DLG2: variants seen among roughly 807,000 people sequenced by gnomAD.
The protein encoded by DLG2 is discs large MAGUK scaffold protein 2, also known as disks large homolog 2.
A neutral mutation model predicts 132.5 loss-of-function variants in DLG2; 45 were observed. The ratio of observed to expected loss-of-function variants is 0.34; its 90% CI spans 0.27 to 0.44. The LOEUF (loss-of-function observed/expected upper bound fraction) is 0.44, where lower values mean the gene tolerates loss of function less well. DLG2 is among the 20% of genes least tolerant of loss of function. The pLI is 1.00. For missense variants in DLG2, 1,045 were observed against 1,196.9 expected (o/e 0.87, Z 1.87); for synonymous variants, 424 against 419.6 (o/e 1.01, Z -0.13).
At chr11:84,055,612 C>T (rs184554327) in intron 11 of DLG2, among the ~76,000 whole-genome samples, 7 of 152,204 alleles carry the variant, frequency 4.6e-5, no homozygotes, top group Admixed American at 1.3e-4. Flanking sequence ...GCCTCTACTT[C>T]TATCTGGGAT....
In DLG2 at chr11:84,947,966, T is replaced by A. The variant is rs148592446; in HGVS notation, c.357+163695A>T. 2.2e-4 allele frequency among the ~76,000 whole-genome samples: 33 copies of A among 152,292 alleles called. No individual in the cohort carries two copies. The East Asian group carries it at 5.6e-3, about 26-fold the overall frequency. The stretch of plus-strand genomic sequence containing the variant: ...AGCAATGATAGGTAACAAAGAGAAG[T>A]GTACTGGGCCGTTAGGTAGCTAACT... On this transcript the variant is annotated intron_variant, in intron 6 of 27. Transcript: ENST00000376104.
At chr11:83,658,740 T>C (rs1471084834) in intron 18 of DLG2, among the ~76,000 whole-genome samples, 1 of 152,246 alleles carries the variant, frequency 6.6e-6, no homozygotes, top group African/African-American at 2.4e-5. Context: ...GAATTGCATA[T>C]ACTCTTCAGT....
chr11:85,378,073 C>A (rs932447484), intron 3 of DLG2, among the ~76,000 whole-genome samples: 1 of 151,984 alleles, frequency 6.6e-6, no homozygotes, highest in African/African-American at 2.4e-5. Flanking sequence ...TAATACATGA[C>A]ACTTCATTGA....
intron 7 of DLG2, among the ~76,000 whole-genome samples, chr11:84,365,205 A>G (rs1164011563): frequency 6.6e-6 from 1 of 152,156 alleles, no homozygotes; most frequent in Non-Finnish European, 1.5e-5. Context: ...TTATTGGTCT[A>G]TTCAGAGATT....
chr11:84,131,136 G>C (rs570185639), intron 9 of DLG2, among the ~76,000 whole-genome samples: 11 of 152,016 alleles, frequency 7.2e-5, no homozygotes, highest in African/African-American at 2.6e-4. Context: ...TGGTAAAGCT[G>C]GTTTTAAAAG....
intron 6 of DLG2, among the ~76,000 whole-genome samples, chr11:84,710,885 GCTATTGTTATT>G (rs1162200143): frequency 2.0e-5 from 3 of 150,912 alleles, no homozygotes; most frequent in African/African-American, 7.3e-5. Flanking sequence ...CATTCAGGAT[GCTATTGTTATT>G]CTATCTGACA....
intron 6 of DLG2, among the ~76,000 whole-genome samples, chr11:84,818,630 A>G (rs1303802237): frequency 6.6e-6 from 1 of 151,920 alleles, no homozygotes; most frequent in Non-Finnish European, 1.5e-5. Context: ...TTGTAATTAC[A>G]ATTTGTGCTC....
At chr11:85,149,952 C>T (rs1286804160) in intron 5 of DLG2, among the ~76,000 whole-genome samples, 1 of 147,564 alleles carries the variant, frequency 6.8e-6, no homozygotes, top group African/African-American at 2.5e-5. Context: ...AATGCTGATT[C>T]TGTAATATTT....
chr11:83,753,413 G>T (rs992763744), intron 18 of DLG2, among the ~76,000 whole-genome samples: 1 of 151,634 alleles, frequency 6.6e-6, no homozygotes, highest in Non-Finnish European at 1.5e-5. Context: ...ACACAGCAAG[G>T]CTCTCTCTCT....
chr11:85,572,322 G>T (rs1286566528), intron 3 of DLG2, among the ~76,000 whole-genome samples: 1 of 152,080 alleles, frequency 6.6e-6, no homozygotes, highest in East Asian at 1.9e-4. Flanking sequence ...CACTGTTGTT[G>T]CAAGGCTTAT....
At chr11:84,940,253 C>T (rs921342429) in intron 6 of DLG2, among the ~76,000 whole-genome samples, 8 of 152,188 alleles carry the variant, frequency 5.3e-5, no homozygotes, top group Non-Finnish European at 1.2e-4. Flanking sequence ...TGGGTTCAAA[C>T]GATTCTCCTG....
intron 4 of DLG2, among the ~76,000 whole-genome samples, chr11:85,172,394 A>T (rs557139885): frequency 9.2e-5 from 14 of 152,372 alleles, no homozygotes; most frequent in African/African-American, 3.1e-4. Context: ...GAATGTTAAA[A>T]GAAAAACAAA....
chr11:83,938,842 G>A (rs937615363), intron 14 of DLG2, among the ~76,000 whole-genome samples: 4 of 152,156 alleles, frequency 2.6e-5, no homozygotes, highest in South Asian at 2.1e-4. Context: ...TGATAAATAC[G>A]GAAGAGTGAG....
chr11:85,618,273 A>G (rs1453317115), intron 2 of DLG2, among the ~76,000 whole-genome samples: 1 of 151,436 alleles, frequency 6.6e-6, no homozygotes, highest in Non-Finnish European at 1.5e-5. Context: ...ATCCCAATCA[A>G]AAAAAAAATC....
Position 83,537,463 on chromosome 11 carries a change from A to G in DLG2, c.2117+4219T>C, listed in dbSNP as rs144525831. ...TATATAATGCCAGCCATATGCTGCC[A>G]TCTGAGAGCCCAAGTGACCAGTCAC... On this transcript the variant is annotated intron_variant, in intron 20 of 27. Transcript: ENST00000376104. 5.6e-3 allele frequency among the ~76,000 whole-genome samples: 846 copies of G among 152,268 alleles called. 5 individuals are homozygous for G. Among genetic ancestry groups the G allele is most frequent in the Middle Eastern group, 0.024 (7 of 294 alleles).
At chr11:85,219,904 C>A (rs2082902002) in intron 4 of DLG2, among the ~76,000 whole-genome samples, 1 of 151,358 alleles carries the variant, frequency 6.6e-6, no homozygotes, top group Admixed American at 6.6e-5. Context: ...AGCAACCAAC[C>A]CAGCTATATT....
intron 7 of DLG2, among the ~76,000 whole-genome samples, chr11:84,309,995 A>C (rs1277277544): frequency 2.0e-5 from 3 of 152,180 alleles, no homozygotes; most frequent in South Asian, 4.1e-4. Context: ...AGATCTACAT[A>C]GTTCTTAACC....
At position 85,235,566 on chromosome 11, in the gene DLG2, G is replaced by A. The variant is rs376576748; in HGVS notation, c.186+49654C>T. 7.9e-5 allele frequency among the ~76,000 whole-genome samples: 12 copies of A among 151,928 alleles called. No individual in the cohort carries two copies. The South Asian group carries it at 2.5e-3, about 31-fold the overall frequency. On this transcript the variant is annotated intron_variant, in intron 4 of 27. Transcript: ENST00000376104. ...AATGAATGAGTAGAATTTTAACAAG[G>A]GAGTTGGGGGAAGACGGGAACAGAA...
At chr11:84,390,175 A>G (rs556850401) in intron 7 of DLG2, among the ~76,000 whole-genome samples, 1 of 152,192 alleles carries the variant, frequency 6.6e-6, no homozygotes, top group African/African-American at 2.4e-5. Context: ...TCTCTAATTA[A>G]TCAACACTCT....
Sources: allele counts gnomAD v4.1 joint callset (sites outside exome capture counted in the v4.1 genomes callset), GRCh38; gene constraint gnomAD v4.1.1; transcripts MANE v1.5; gene names NCBI Gene and HGNC (gene_info 2026-07-23, HGNC 2026-07-21).